ANK1: variants seen among roughly 807,000 people sequenced by gnomAD.
ANK1 encodes ankyrin 1.
ANK1 carries 51 observed loss-of-function variants against 210.4 expected under a neutral mutation model. The observed-to-expected ratio is 0.24, with a 90% CI of 0.19 to 0.31. ANK1 has a LOEUF of 0.31. Among genes scored for constraint, ANK1 ranks in the 10% least tolerant of loss-of-function variants. The probability of loss-of-function intolerance (pLI) is 1.00; values close to 1 mark genes in which losing one functional copy is unlikely to be tolerated. For synonymous variants in ANK1, 967 were observed against 1,025.9 expected (o/e 0.94, Z 1.10); for missense variants, 2,051 against 2,504.4 (o/e 0.82, Z 3.86).
At chr8:41,812,629 G>A (rs750120540) in intron 1 of ANK1, among the ~76,000 whole-genome samples, 98 of 152,332 alleles carry the variant, frequency 6.4e-4, no homozygotes, top group Non-Finnish European at 1.0e-3. Flanking sequence ...CAGTTTCTTA[G>A]AATAACCAGC....
chr8:41,800,485 C>T (rs1002593413), upstream of ANK1, among the ~76,000 whole-genome samples: 7 of 152,106 alleles, frequency 4.6e-5, no homozygotes, highest in African/African-American at 1.4e-4. Flanking sequence ...AGACAATATA[C>T]GTTCCCCATC....
At chr8:41,826,498 C>T (rs1805402352) in intron 1 of ANK1, among the ~76,000 whole-genome samples, 1 of 152,210 alleles carries the variant, frequency 6.6e-6, no homozygotes. Flanking sequence ...TCTGGATTCC[C>T]CTGCACCCCA....
chr8:41,661,479 CT>C lies in ANK1; in HGVS notation c.5629del (p.Arg1877GlyfsTer13). ...AQIVKRASLK[R>X]GKQ ...AGCGGCTCGGGGTCACTGTTTCCCC[CT>C]TTTCAGGCTGGCCCGCTTCACTATC... On this transcript the variant is annotated frameshift_variant, in exon 42 of 43. Coordinates refer to ENST00000289734, the MANE Select transcript of ANK1 (RefSeq NM_000037.4). LOFTEE classifies it high-confidence loss of function. 6.2e-7 allele frequency: 1 copy of C among 1,614,100 alleles called. No individual in the cohort carries two copies. The highest frequency in any genetic ancestry group is 8.5e-7 in the Non-Finnish European group (1 of 1,180,038).
chr8:41,700,366 G>T, intron 22 of ANK1: 1 of 1,510,902 alleles, frequency 6.6e-7, no homozygotes, highest in South Asian at 1.1e-5. Flanking sequence ...GTGAGCATCA[G>T]GGTTGCTTAG....
At chr8:41,759,233 C>T (rs1252342781) in intron 1 of ANK1, among the ~76,000 whole-genome samples, 5 of 152,156 alleles carry the variant, frequency 3.3e-5, no homozygotes, top group Admixed American at 6.5e-5. Flanking sequence ...GAAGGCTGGG[C>T]GTGGTGGCTC....
Position 41,775,353 on chromosome 8 carries a change from C to T in ANK1, c.28-17216G>A, listed in dbSNP as rs574282613. Among the ~76,000 whole-genome samples, 5 of 152,250 alleles carry T rather than the reference C, an allele frequency of 3.3e-5. No homozygotes were observed. In the South Asian group the frequency reaches 1.1e-3, roughly 32 times the overall value. Reference sequence around the variant, plus strand: ...CCATTGCCAGCCAGAGAGACCTGCCCAAGATTCCAGAGGGGCTTGTGACCC... The same window carrying T: ...CCATTGCCAGCCAGAGAGACCTGCCTAAGATTCCAGAGGGGCTTGTGACCC... On this transcript the variant is annotated intron_variant, in intron 1 of 42. Coordinates refer to ENST00000289734, the MANE Select transcript of ANK1 (RefSeq NM_000037.4).
intron 1 of ANK1, among the ~76,000 whole-genome samples, chr8:41,861,444 G>T (rs1486813829): frequency 6.6e-6 from 1 of 152,218 alleles, no homozygotes; most frequent in African/African-American, 2.4e-5. Context: ...TGAAATTAAC[G>T]CACAGCTTGT....
intron 18 of ANK1, among the ~76,000 whole-genome samples, chr8:41,705,473 T>C (rs530249544): frequency 4.6e-5 from 7 of 152,334 alleles, no homozygotes; most frequent in African/African-American, 1.7e-4. Context: ...CAGCATAACA[T>C]TGTTGCCGGC....
intron 2 of ANK1, among the ~76,000 whole-genome samples, chr8:41,748,967 G>A (rs1007860475): frequency 2.6e-4 from 40 of 151,912 alleles, no homozygotes; most frequent in Admixed American, 2.0e-3. Flanking sequence ...CCTGGGAGGC[G>A]GAGCTTGCAG....
At position 41,703,949 on chromosome 8, in the gene ANK1, C is replaced by A. The variant is rs533154062; in HGVS notation, c.2295+92G>T. 24 of 1,223,914 alleles carry A rather than the reference C, an allele frequency of 2.0e-5. No individual in the cohort carries two copies. In the South Asian group the frequency reaches 2.7e-4, roughly 14 times the overall value. 75.8% of individuals were successfully genotyped at this position (1,223,914 alleles called of 1,614,324 possible). A position where few individuals can be genotyped will look rare whatever the true frequency, so the allele number is the denominator to read the frequency against. On this transcript the variant is annotated intron_variant, in intron 20 of 42. Coordinates refer to ENST00000289734, the MANE Select transcript of ANK1 (RefSeq NM_000037.4). Reference sequence around the variant, plus strand: ...GCTGCGGCCCCGTCCAGGCCCTAGACACGTGCATTAACCTCTACGGTTAGG... The same window carrying A: ...GCTGCGGCCCCGTCCAGGCCCTAGAAACGTGCATTAACCTCTACGGTTAGG...
At chr8:41,701,384 T>C (rs773678323) in intron 22 of ANK1, among the ~76,000 whole-genome samples, 166 bp downstream of exon 22, 4 of 152,214 alleles carry the variant, frequency 2.6e-5, no homozygotes, top group Non-Finnish European at 5.9e-5. Context: ...GTATTTTTGA[T>C]AGTAGACAAC....
intron 35 of ANK1, 106 bp from the exon 36 acceptor site, chr8:41,686,389 G>C: frequency 7.1e-7 from 1 of 1,404,424 alleles, no homozygotes; most frequent in South Asian, 1.2e-5. Context: ...GGACCCAGTG[G>C]GGAGCACAGG....
intron 1 of ANK1, among the ~76,000 whole-genome samples, chr8:41,859,640 C>G (rs543395752): frequency 1.7e-4 from 26 of 152,374 alleles, no homozygotes; most frequent in Middle Eastern, 3.4e-3. Context: ...GGGCTGCGCC[C>G]AGCCTTAGTG....
chr8:41,703,450 A>ATTTTTT (rs58196949), intron 20 of ANK1, among the ~76,000 whole-genome samples: 11 of 58,816 alleles, frequency 1.9e-4, no homozygotes, highest in African/African-American at 9.0e-4. Flanking sequence ...ATATATATAT[A>ATTTTTT]TTTTTTTTTT....
At chr8:41,747,841 T>C (rs1836574994) in intron 2 of ANK1, among the ~76,000 whole-genome samples, 1 of 152,148 alleles carries the variant, frequency 6.6e-6, no homozygotes, top group Non-Finnish European at 1.5e-5. Flanking sequence ...TGACTACAAA[T>C]GAAGATTTTT....
At chr8:41,735,289 A>G (rs1370429230) in intron 2 of ANK1, among the ~76,000 whole-genome samples, 1 of 152,208 alleles carries the variant, frequency 6.6e-6, no homozygotes, top group East Asian at 1.9e-4. Flanking sequence ...ATCAATTCCA[A>G]CGGATGAGTC....
At chr8:41,850,950 C>T (rs911643745) in intron 1 of ANK1, among the ~76,000 whole-genome samples, 4 of 152,174 alleles carry the variant, frequency 2.6e-5, no homozygotes, top group East Asian at 1.9e-4. Flanking sequence ...CTAAGGGAGG[C>T]GGGGTGAGTC....
chr8:41,762,654 A>G (rs73621112), intron 1 of ANK1, among the ~76,000 whole-genome samples: 5,711 of 152,296 alleles, frequency 0.037, 360 homozygotes, highest in African/African-American at 0.13. Context: ...TTTCCAGAGA[A>G]AACCCAGTCA....
In ANK1 at chr8:41,809,475, G is replaced by C. The variant is rs181978011; in HGVS notation, c.127-51338C>G. On this transcript the variant is annotated intron_variant, in intron 1 of 42. Coordinates refer to the ANK1 transcript ENST00000265709. ...TGTTATTATTCCTGTTTTACAAAGG[G>C]AGAAATTGGGGCTGGGCATGGTGGC... 3.8e-3 allele frequency among the ~76,000 whole-genome samples: 585 copies of C among 152,278 alleles called. 6 individuals carry two copies. Among genetic ancestry groups the C allele is most frequent in the Middle Eastern group, 0.01 (3 of 294 alleles).
Sources: gnomAD v4.1 joint callset for allele counts (sites outside exome capture counted in the v4.1 genomes callset) on GRCh38, gnomAD v4.1.1 for gene constraint, MANE v1.5 for transcripts, NCBI Gene and HGNC (gene_info 2026-07-23, HGNC 2026-07-21) for gene names.